Variants in OXSR1 observed in about 807,000 individuals in gnomAD.
OXSR1 encodes oxidative stress responsive kinase 1, also known as serine/threonine-protein kinase OSR1.
Under a neutral mutation model 79.8 loss-of-function variants are expected in OXSR1, and 24 were observed. The observed-to-expected ratio is 0.30, with a 90% CI of 0.22 to 0.42. The LOEUF is 0.42. Ranked by LOEUF, OXSR1 falls within the 10% of genes least tolerant of loss-of-function variation. OXSR1 has a pLI of 1.00. For synonymous variants in OXSR1, 226 were observed against 209.2 expected, an observed-to-expected ratio of 1.08 and a Z score of -0.69; for missense variants, 430 against 618.4, an observed-to-expected ratio of 0.70 and a Z score of 3.23.
intron 4 of OXSR1, among the ~76,000 whole-genome samples, chr3:38,210,315 G>T (rs1702360079): frequency 6.6e-6 from 1 of 152,108 alleles, no homozygotes; most frequent in African/African-American, 2.4e-5. Flanking sequence ...ACTGAGACTG[G>T]GTATTTCCCT....
rs546559094 is a variant in OXSR1 at position 38,230,599 on chromosome 3, A to G, written c.951+169A>G. 11 of 574,092 alleles carry G rather than the reference A, an allele frequency of 1.9e-5. No individual in the cohort carries two copies. In the South Asian group the frequency reaches 2.2e-4, roughly 12 times the overall value. 35.6% of individuals were successfully genotyped at this position (574,092 alleles called of 1,614,324 possible). On this transcript the variant is annotated intron_variant, in intron 10 of 17. Transcript: ENST00000311806. The stretch of plus-strand genomic sequence containing the variant: ...ATTCAGCAAATATCTTTGGTCTACC[A>G]TATGCCTTGGTATTACTCTGCTATC...
Position 38,165,588 on chromosome 3 carries a change from G to A in OXSR1, c.-289G>A. On this transcript the variant is annotated 5_prime_UTR_variant, in exon 1 of 18. Coordinates refer to ENST00000311806, the MANE Select transcript of OXSR1 (RefSeq NM_005109.3). ...GGCGGGACAGAGGGGCTGGGCCCAG[G>A]CAAAGCTTCTGTCGCTGCTGCTGCG... The A allele has an allele frequency of 9.3e-6, 4 of 429,078 alleles. No homozygotes were observed. The South Asian group carries it at 9.6e-5, about 10-fold the overall frequency. 26.6% of individuals were successfully genotyped at this position (429,078 alleles called of 1,614,324 possible).
rs1348829927 is a variant in OXSR1, at chr3:38,251,554, C to T, written c.1444+83C>T. 5.1e-6 allele frequency: 5 copies of T among 982,678 alleles called. No homozygotes were observed. The East Asian group carries it at 1.2e-4, about 23-fold the overall frequency. The allele number at this position is 982,678 out of a possible 1,614,324, so 60.9% of individuals were successfully genotyped here. A position where few individuals can be genotyped will look rare whatever the true frequency, so the allele number is the denominator to read the frequency against. On this transcript the variant is annotated intron_variant, in intron 16 of 17. Coordinates refer to ENST00000311806, the MANE Select transcript of OXSR1 (RefSeq NM_005109.3). ...ATAGAAAAGCAGGTTTTTTATTCCA[C>T]TGAGTAGGTCTGATGGTTCTTGAAA...
intron 11 of OXSR1, among the ~76,000 whole-genome samples, chr3:38,237,826 G>A (rs1303428693): frequency 3.9e-5 from 6 of 152,108 alleles, no homozygotes; most frequent in African/African-American, 4.8e-5. Context: ...GTGAGTTTAA[G>A]GTTTCTTTAT....
At chr3:38,205,257 C>A (rs1003485275) in intron 4 of OXSR1, among the ~76,000 whole-genome samples, 1 of 152,176 alleles carries the variant, frequency 6.6e-6, no homozygotes, top group Non-Finnish European at 1.5e-5. Context: ...TGATCACTCA[C>A]CTGAGTTTTG....
chr3:38,202,017 G>A (rs1322139963), intron 4 of OXSR1, among the ~76,000 whole-genome samples: 3 of 152,220 alleles, frequency 2.0e-5, no homozygotes, highest in African/African-American at 7.2e-5. Context: ...TTGAAAACTG[G>A]ATGAGGCTGA....
chr3:38,252,709 G>A, intron 17 of OXSR1, 108 bp from the exon 18 acceptor site: 1 of 809,672 alleles, frequency 1.2e-6, no homozygotes, highest in Non-Finnish European at 2.1e-6. Context: ...TGTATCCTAG[G>A]GACCTGTTGC....
At chr3:38,190,356 A>T (rs904101492) in intron 2 of OXSR1, among the ~76,000 whole-genome samples, 26 of 152,254 alleles carry the variant, frequency 1.7e-4, no homozygotes, top group Middle Eastern at 3.4e-3. Flanking sequence ...CACAAACTAT[A>T]AAAAAACCCT....
Position 38,184,375 on chromosome 3 carries a change from C to G in OXSR1, c.183+1260C>G, listed in dbSNP as rs150667676. ...TGCATACTTCGAAGGAAATGCTGAT[C>G]GAAATCTTATTTTAAGATCTTGGAT... On this transcript the variant is annotated intron_variant, in intron 2 of 17. Coordinates refer to ENST00000311806, the MANE Select transcript of OXSR1 (RefSeq NM_005109.3). Among the ~76,000 whole-genome samples the G allele has an allele frequency of 1.2e-3, 179 of 152,114 alleles. 1 individual carries two copies. Among genetic ancestry groups the G allele is most frequent in the African/African-American group, 3.3e-3 (137 of 41,492 alleles).
intron 1 of OXSR1, among the ~76,000 whole-genome samples, chr3:38,180,820 C>T (rs1235301410): frequency 6.6e-6 from 1 of 152,078 alleles, no homozygotes; most frequent in African/African-American, 2.4e-5. Context: ...AGGCATGAGC[C>T]ACTGTGCCTG....
At chr3:38,245,486 C>T (rs139908928) in intron 12 of OXSR1, among the ~76,000 whole-genome samples, 15 of 152,182 alleles carry the variant, frequency 9.9e-5, no homozygotes, top group South Asian at 4.1e-4. Flanking sequence ...ATACAAAGTC[C>T]TCATGCATGG....
chr3:38,164,423 G>C (rs1206920853), upstream of OXSR1, among the ~76,000 whole-genome samples: 1 of 152,260 alleles, frequency 6.6e-6, no homozygotes, highest in East Asian at 1.9e-4. Context: ...TGGGATTACA[G>C]GCGTGAGCCA....
At chr3:38,212,566 C>G (rs969883252) in intron 4 of OXSR1, among the ~76,000 whole-genome samples, 1 of 152,086 alleles carries the variant, frequency 6.6e-6, no homozygotes, top group African/African-American at 2.4e-5. Flanking sequence ...TTTTCTTGAC[C>G]TTTTTCAAGT....
At chr3:38,197,103 G>A (rs1177782966) in intron 3 of OXSR1, among the ~76,000 whole-genome samples, 1 of 152,204 alleles carries the variant, frequency 6.6e-6, no homozygotes, top group Admixed American at 6.5e-5. Flanking sequence ...GGATTAATGT[G>A]TGGTTGATTA....
chr3:38,206,810 T>C (rs1284276615), intron 4 of OXSR1, among the ~76,000 whole-genome samples: 1 of 152,196 alleles, frequency 6.6e-6, no homozygotes, highest in Non-Finnish European at 1.5e-5. Context: ...AGCACAGTCT[T>C]TCTTAGCAGG....
At chr3:38,183,438 T>G (rs937938570) in intron 2 of OXSR1, among the ~76,000 whole-genome samples, 1 of 152,238 alleles carries the variant, frequency 6.6e-6, no homozygotes, top group African/African-American at 2.4e-5. Flanking sequence ...TGTCTGTAAA[T>G]ATGGATCAGT....
chr3:38,166,640 A>C (rs888121023), intron 1 of OXSR1, among the ~76,000 whole-genome samples: 5 of 151,780 alleles, frequency 3.3e-5, no homozygotes, highest in Non-Finnish European at 5.9e-5. Context: ...AAAATACAAA[A>C]ATTAGTTGGG....
intron 1 of OXSR1, among the ~76,000 whole-genome samples, chr3:38,178,717 A>T (rs1701725285): frequency 6.8e-6 from 1 of 147,530 alleles, no homozygotes; most frequent in Non-Finnish European, 1.5e-5. Flanking sequence ...AGCTCAAGTG[A>T]TCTGCCTGCC....
At position 38,254,247 on chromosome 3, in the gene OXSR1, A is replaced by T; in HGVS notation, c.*1356A>T. 2.5e-6 allele frequency: 1 copy of T among 398,876 alleles called. No individual in the cohort carries two copies. Among genetic ancestry groups the T allele is most frequent in the Non-Finnish European group, 4.4e-6 (1 of 225,920 alleles). The allele number at this position is 398,876 out of a possible 1,614,324, so 24.7% of individuals were successfully genotyped here. ...CAGAATCACTCGAGCCCTTTCCAGC[A>T]CTGTTGGTCTGATGAACAAGGTTGT... On this transcript the variant is annotated 3_prime_UTR_variant, in exon 18 of 18. Transcript: ENST00000311806.
Sources: gnomAD v4.1 joint callset for allele counts (sites outside exome capture counted in the v4.1 genomes callset) on GRCh38, gnomAD v4.1.1 for gene constraint, MANE v1.5 for transcripts, NCBI Gene and HGNC (gene_info 2026-07-23, HGNC 2026-07-21) for gene names.